EPHA8: variants seen among roughly 807,000 people sequenced by gnomAD.
The protein encoded by EPHA8 is EPH receptor A8, also known as ephrin type-A receptor 8.
EPHA8 carries 58 observed loss-of-function variants against 103.6 expected under a neutral mutation model. The ratio of observed to expected loss-of-function variants is 0.56; its 90% CI spans 0.45 to 0.70. The LOEUF is 0.70. Ranked by LOEUF, EPHA8 falls within the 30% of genes least tolerant of loss-of-function variation. The probability of loss-of-function intolerance (pLI) is 0.00; values close to 1 mark genes in which losing one functional copy is unlikely to be tolerated. For missense variants in EPHA8, 1,304 were observed against 1,395.2 expected, an observed-to-expected ratio of 0.93 and a Z score of 1.04; for synonymous variants, 559 against 572.5, an observed-to-expected ratio of 0.98 and a Z score of 0.34.
intron 4 of EPHA8, among the ~76,000 whole-genome samples, chr1:22,588,630 G>T (rs1479893437): frequency 6.6e-6 from 1 of 151,496 alleles, no homozygotes; most frequent in African/African-American, 2.4e-5. Flanking sequence ...TGATGGGTGG[G>T]GGGGATGGGG....
At chr1:22,586,417 C>T (rs12034618) in intron 3 of EPHA8, 63 bp from the exon 4 acceptor site, 201,337 of 1,570,732 alleles carry the variant, frequency 0.13, 13,727 homozygotes, top group South Asian at 0.23. Flanking sequence ...ACAGTGTGAG[C>T]GGTCCCCAAG....
Position 22,597,805 on chromosome 1 carries a change from T to C in EPHA8, c.2060T>C (p.Ile687Thr), listed in dbSNP as rs1641564346. Residue 687 changes from isoleucine (I) to threonine (T), a missense_variant, in exon 11 of 17, where the codon ATC becomes ACC. By Grantham distance (89) the Ile-to-Thr change is moderately conservative. Transcript: ENST00000166244. The surrounding 1 kb of genome is among the most constrained non-coding windows in gnomAD (Gnocchi z 4.6). ...QRRDFLSEASIMGQFDHPNII... is the reference protein window; with the variant it reads ...QRRDFLSEASTMGQFDHPNII... ...CGGGACTTCCTGAGCGAGGCGTCCA[T>C]CATGGGGCAATTCGACCATCCCAAC... The C allele has an allele frequency of 6.2e-7, 1 of 1,612,996 alleles. No individual in the cohort carries two copies. The highest frequency in any genetic ancestry group is 8.5e-7 in the Non-Finnish European group (1 of 1,179,930).
chr1:22,589,014 C>G lies in EPHA8; in HGVS notation c.1123C>G (p.Arg375Gly). 3.1e-6 allele frequency: 5 copies of G among 1,612,996 alleles called. No homozygotes were observed. Among genetic ancestry groups the G allele is most frequent in the Non-Finnish European group, 4.2e-6 (5 of 1,179,586 alleles). ...VCRRCPWALSRCEACGSGTRF... is the reference protein window; with the variant it reads ...VCRRCPWALSGCEACGSGTRF... ...CCGCCGCTGCCCCTGGGCACTGAGCCGCTGCGAGGCATGTGGGAGCGGCAC... is the reference window on the plus strand; with the variant it reads ...CCGCCGCTGCCCCTGGGCACTGAGCGGCTGCGAGGCATGTGGGAGCGGCAC... The change falls in exon 5 of 17, where the codon CGC becomes GGC. Residue 375 changes from arginine to glycine, a missense_variant. Transcript: ENST00000166244. The surrounding 1 kb of genome is among the most constrained non-coding windows in gnomAD (Gnocchi z 4.3).
At chr1:22,579,062 T>C (rs543386206) in intron 3 of EPHA8, among the ~76,000 whole-genome samples, 54 of 151,492 alleles carry the variant, frequency 3.6e-4, no homozygotes, top group Non-Finnish European at 6.5e-4. Flanking sequence ...TGCATGTATG[T>C]ATGCATGTGT....
At chr1:22,568,492 G>C (rs192800713) in intron 1 of EPHA8, among the ~76,000 whole-genome samples, 8 of 152,360 alleles carry the variant, frequency 5.3e-5, no homozygotes, top group Admixed American at 2.0e-4. Context: ...AGCTACACCT[G>C]TGGGGCTCTT....
chr1:22,593,321 C>T lies in EPHA8; in HGVS notation c.1316-5C>T. The T allele has an allele frequency of 1.3e-6, 2 of 1,560,760 alleles. No individual in the cohort carries two copies. The highest frequency in any genetic ancestry group is 1.7e-6 in the Non-Finnish European group (2 of 1,151,498). Reference sequence around the variant, plus strand: ...CCGCCCATCTGACGGGATTGGCCGCCCCAGCCCCGTCCCAGGTGGTGGTGA... The same window carrying T: ...CCGCCCATCTGACGGGATTGGCCGCTCCAGCCCCGTCCCAGGTGGTGGTGA... On this transcript the variant is annotated splice_region_variant and splice_polypyrimidine_tract_variant and intron_variant, in intron 5 of 16. Coordinates refer to ENST00000166244, the MANE Select transcript of EPHA8 (RefSeq NM_020526.5).
At position 22,601,466 on chromosome 1, in the gene EPHA8, A is replaced by G; in HGVS notation, c.2896A>G (p.Asn966Asp). 6.2e-7 allele frequency: 1 copy of G among 1,609,652 alleles called. No individual in the cohort carries two copies. Among genetic ancestry groups the G allele is most frequent in the Non-Finnish European group, 8.5e-7 (1 of 1,179,680 alleles). The part of the protein sequence containing the change: ...YSSLGMVLRM[N>D]AQDVRALGIT... ...CTCTCTGGGCATGGTGCTACGCATG[A>G]ACGCCCAGTGAGTGATGGGTGGGGC... Residue 966 changes from asparagine to aspartate, a missense_variant, in exon 16 of 17, where the codon AAC becomes GAC. Physicochemically the swap from Asn to Asp is conservative, Grantham distance 23 (BLOSUM62 1). Transcript: ENST00000166244.
chr1:22,595,284 G>T lies in EPHA8; in HGVS notation c.1658G>T (p.Gly553Val). The T allele has an allele frequency of 6.2e-7, 1 of 1,613,852 alleles. No homozygotes were observed. The highest frequency in any genetic ancestry group is 1.7e-5 in the Admixed American group (1 of 60,012). The change falls in exon 8 of 17, where the codon GGC becomes GTC. Residue 553 changes from glycine to valine, a missense_variant. By Grantham distance (109) the Gly-to-Val change is moderately radical. Coordinates refer to ENST00000166244, the MANE Select transcript of EPHA8 (RefSeq NM_020526.5). The part of the protein sequence containing the change: ...IVWICLTLIT[G>V]LVVLLLLLIC... ...TGGATCTGCCTGACGCTCATCACGGGCCTGGTGGTGCTTCTGCTCCTGCTC... is the reference window on the plus strand; with the variant it reads ...TGGATCTGCCTGACGCTCATCACGGTCCTGGTGGTGCTTCTGCTCCTGCTC...
At chr1:22,585,207 G>A (rs974783970) in intron 3 of EPHA8, among the ~76,000 whole-genome samples, 4 of 152,158 alleles carry the variant, frequency 2.6e-5, no homozygotes, top group African/African-American at 7.2e-5. Flanking sequence ...TGTGGGGATC[G>A]GCCAGTGCTT....
chr1:22,601,706 C>G lies in EPHA8; in HGVS notation c.2983C>G (p.Leu995Val). ...CAGCATTCAGACCATGCGGGCCCAG[C>G]TGACCAGCACCCAGGGGCCCCGCCG... is the stretch of plus-strand genomic sequence containing the variant. ...LGSIQTMRAQ[L>V]TSTQGPRRHL Residue 995 changes from leucine (L) to valine (V), a missense_variant, in exon 17 of 17, where the codon CTG (leucine) becomes GTG (valine). Transcript: ENST00000166244. The G allele has an allele frequency of 6.3e-7, 1 of 1,575,308 alleles. No homozygotes were observed. The highest frequency in any genetic ancestry group is 8.6e-7 in the Non-Finnish European group (1 of 1,160,354).
rs1640272864 is a variant in EPHA8, at chr1:22,563,839, G to C, written c.94+110G>C. 1 of 152,732 alleles carries C rather than the reference G, an allele frequency of 6.5e-6. No individual in the cohort carries two copies. The highest frequency in any genetic ancestry group is 1.9e-4 in the East Asian group (1 of 5,152). 9.5% of individuals were successfully genotyped at this position (152,732 alleles called of 1,614,324 possible). A position where few individuals can be genotyped will look rare whatever the true frequency, so the allele number is the denominator to read the frequency against. On this transcript the variant is annotated intron_variant, in intron 1 of 16. Coordinates refer to ENST00000166244, the MANE Select transcript of EPHA8 (RefSeq NM_020526.5). This position sits in a 1 kb window ranked among gnomAD's most constrained non-coding sequence, Gnocchi z 4.4. The stretch of plus-strand genomic sequence containing the variant: ...ATGGACCCTGAGCTCCAAGGCGGCC[G>C]GGATCCCTCGGCCCGGGGGGCGGGG...
At chr1:22,600,859 C>G in intron 14 of EPHA8, 39 bp from the exon 15 acceptor site, 1 of 1,588,296 alleles carries the variant, frequency 6.3e-7, no homozygotes, top group African/African-American at 1.3e-5. Context: ...CCTCAGGGTG[C>G]AGGGAGGGAC....
rs1641311442 is a variant in EPHA8 at position 22,589,263 on chromosome 1, G to C, written c.1315+57G>C. Reference sequence around the variant, plus strand: ...TGGTCCCCCAGCTTCCCCTGCCTCAGACCCATCCAGGGATCAGAGCTCTGC... The same window carrying C: ...TGGTCCCCCAGCTTCCCCTGCCTCACACCCATCCAGGGATCAGAGCTCTGC... On this transcript the variant is annotated intron_variant, in intron 5 of 16. Coordinates refer to ENST00000166244, the MANE Select transcript of EPHA8 (RefSeq NM_020526.5). This position sits in a 1 kb window ranked among gnomAD's most constrained non-coding sequence, Gnocchi z 4.3. The C allele has an allele frequency of 6.2e-7, 1 of 1,614,022 alleles. No individual in the cohort carries two copies. Among genetic ancestry groups the C allele is most frequent in the East Asian group, 2.2e-5 (1 of 44,884 alleles).
At chr1:22,590,245 C>T (rs1280333361) in intron 5 of EPHA8, among the ~76,000 whole-genome samples, 4 of 152,168 alleles carry the variant, frequency 2.6e-5, no homozygotes, top group Non-Finnish European at 2.9e-5. Flanking sequence ...GCACCTGAGG[C>T]CCCTGGCAGG....
chr1:22,593,740 G>A (rs1641441321), intron 7 of EPHA8, 54 bp downstream of exon 7: 1 of 1,473,142 alleles, frequency 6.8e-7, no homozygotes, highest in Non-Finnish European at 9.0e-7. Flanking sequence ...CAGGACCCTG[G>A]GGTCGGGGGG....
At chr1:22,585,029 G>C (rs201281297) in intron 3 of EPHA8, among the ~76,000 whole-genome samples, 25 of 113,022 alleles carry the variant, frequency 2.2e-4, no homozygotes, top group Middle Eastern at 4.0e-3. Context: ...TCGTTTCTCT[G>C]TGTGTGTGTG....
rs752440328 is a variant in EPHA8, at chr1:22,601,786, T to A, written c.*45T>A. The A allele has an allele frequency of 1.6e-5, 25 of 1,525,780 alleles. No homozygotes were observed. Among genetic ancestry groups the A allele is most frequent in the Non-Finnish European group, 2.0e-5 (23 of 1,129,488 alleles). 94.5% of individuals were successfully genotyped at this position (1,525,780 alleles called of 1,614,324 possible). On this transcript the variant is annotated 3_prime_UTR_variant, in exon 17 of 17. Transcript: ENST00000166244. ...AGGCAGCCACCAAGCCCACCCCAGG[T>A]CATGCCAGCGGCAGAGGACGTGAGG...
At chr1:22,575,014 G>A (rs1294419974) in intron 2 of EPHA8, among the ~76,000 whole-genome samples, 3 of 152,026 alleles carry the variant, frequency 2.0e-5, no homozygotes, top group East Asian at 1.9e-4. Context: ...ACAGTAGTGC[G>A]ATCTTGGCTC....
chr1:22,594,032 C>T (rs1641449731), intron 7 of EPHA8, among the ~76,000 whole-genome samples: 2 of 152,206 alleles, frequency 1.3e-5, no homozygotes, highest in Non-Finnish European at 1.5e-5. Flanking sequence ...GGGGTTTCAC[C>T]ATCTTGGCCA....
Sources: gnomAD v4.1 joint callset for allele counts (sites outside exome capture counted in the v4.1 genomes callset) on GRCh38, gnomAD v4.1.1 for gene constraint, Gnocchi (gnomAD v3.1) non-coding constraint, MANE v1.5 for transcripts, NCBI Gene and HGNC (gene_info 2026-07-23, HGNC 2026-07-21) for gene names.